NBEAL1: variants seen among roughly 807,000 people sequenced by gnomAD.
NBEAL1 encodes neurobeachin like 1, also known as neurobeachin-like protein 1.
In NBEAL1, 273 loss-of-function variants were observed where a neutral mutation model predicts 351.3. The observed-to-expected ratio is 0.78, with a 90% CI of 0.70 to 0.86. The LOEUF (loss-of-function observed/expected upper bound fraction) is 0.86, where lower values mean the gene tolerates loss of function less well. Ranked by LOEUF, NBEAL1 falls within the 40% of genes least tolerant of loss-of-function variation. The pLI is 0.00. For synonymous variants in NBEAL1, 1,050 were observed against 1,086.4 expected, an observed-to-expected ratio of 0.97 and a Z score of 0.66; for missense variants, 2,961 against 3,201.3, an observed-to-expected ratio of 0.92 and a Z score of 1.81.
At chr2:203,164,685 G>A (rs1461264976) in intron 36 of NBEAL1, among the ~76,000 whole-genome samples, 1 of 151,904 alleles carries the variant, frequency 6.6e-6, no homozygotes, top group East Asian at 1.9e-4. Context: ...TTGCAACATT[G>A]CAAGCTTAAA....
intron 44 of NBEAL1, among the ~76,000 whole-genome samples, chr2:203,187,373 T>TTTG (rs1162848345): frequency 2.0e-5 from 3 of 149,906 alleles, no homozygotes; most frequent in Non-Finnish European, 4.4e-5. Flanking sequence ...AATGGTTTTT[T>TTTG]TTTTTTTTTT....
chr2:203,151,876 TC>T (rs1269395294), intron 35 of NBEAL1, among the ~76,000 whole-genome samples: 3 of 152,196 alleles, frequency 2.0e-5, no homozygotes, highest in Non-Finnish European at 4.4e-5. Flanking sequence ...GAAACAATGT[TC>T]TTTTCTCTTA....
intron 31 of NBEAL1, among the ~76,000 whole-genome samples, chr2:203,141,998 C>T (rs1044752968): frequency 2.0e-5 from 3 of 152,144 alleles, no homozygotes; most frequent in East Asian, 1.9e-4. Context: ...ATAGTGTCTC[C>T]GGTTAGCCTG....
At chr2:203,057,298 T>A in intron 5 of NBEAL1, 28 bp from the exon 6 acceptor site, 1 of 1,532,782 alleles carries the variant, frequency 6.5e-7, no homozygotes, top group Non-Finnish European at 8.8e-7. Flanking sequence ...AAGGCATGTC[T>A]TTAATTTATG....
chr2:203,042,830 C>T (rs995804456), intron 3 of NBEAL1, among the ~76,000 whole-genome samples: 16 of 152,124 alleles, frequency 1.1e-4, no homozygotes, highest in African/African-American at 3.9e-4. Context: ...TCATGATCCA[C>T]CTGCCTCGGA....
Position 203,167,364 on chromosome 2 carries a change from T to G in NBEAL1, c.5997+4T>G. The G allele has an allele frequency of 6.3e-7, 1 of 1,594,322 alleles. No individual in the cohort carries two copies. Among genetic ancestry groups the G allele is most frequent in the Non-Finnish European group, 8.5e-7 (1 of 1,172,388 alleles). ...CTTTCTCAATTTCAAAAAAGAGGTA[T>G]GTATTATGGTTTCAGGAAATCCCAA... On this transcript the variant is annotated splice_donor_region_variant and intron_variant, in intron 38 of 55. Coordinates refer to ENST00000683969, the MANE Select transcript of NBEAL1 (RefSeq NM_001378026.1).
Position 203,138,745 on chromosome 2 carries a change from G to T in NBEAL1, c.4845G>T (p.Leu1615Phe), listed in dbSNP as rs1227880078. ...LLLGFIGRGN[L>F]QVCAMASAKL... ...TAGGATTCATTGGAAGGGGTAATTTGCAGGTTTGTCCATTCTTTTATATTA... is the reference window on the plus strand; with the variant it reads ...TAGGATTCATTGGAAGGGGTAATTTTCAGGTTTGTCCATTCTTTTATATTA... The change falls in exon 31 of 56, where the codon TTG becomes TTT. Residue 1615 changes from leucine (L) to phenylalanine (F), a missense_variant. By Grantham distance (22) the Leu-to-Phe change is conservative. Coordinates refer to ENST00000683969, the MANE Select transcript of NBEAL1 (RefSeq NM_001378026.1). 6.2e-7 allele frequency: 1 copy of T among 1,610,172 alleles called. No individual in the cohort carries two copies. Among genetic ancestry groups the T allele is most frequent in the Non-Finnish European group, 8.5e-7 (1 of 1,178,922 alleles).
intron 10 of NBEAL1, among the ~76,000 whole-genome samples, chr2:203,089,306 C>T (rs964773003): frequency 1.3e-5 from 2 of 151,556 alleles, no homozygotes; most frequent in African/African-American, 4.9e-5. Context: ...TTGCAGTGAG[C>T]CGAGATCACC....
chr2:203,214,033 T>C (rs1346486322), intron 55 of NBEAL1, among the ~76,000 whole-genome samples: 1 of 152,244 alleles, frequency 6.6e-6, no homozygotes, highest in Non-Finnish European at 1.5e-5. Context: ...TGTCAGTTGT[T>C]CTTTTGTAAA....
chr2:203,077,150 G>T (rs752608609), intron 7 of NBEAL1, among the ~76,000 whole-genome samples: 3 of 152,062 alleles, frequency 2.0e-5, no homozygotes, highest in Non-Finnish European at 2.9e-5. Flanking sequence ...GGTGGCTCAT[G>T]CCTGTAATCT....
chr2:203,184,356 AG>A (rs1486849601), intron 44 of NBEAL1, among the ~76,000 whole-genome samples: 1 of 152,186 alleles, frequency 6.6e-6, no homozygotes, highest in Non-Finnish European at 1.5e-5. Context: ...TCTTGAACCC[AG>A]GAGGCGGAGG....
intron 18 of NBEAL1, among the ~76,000 whole-genome samples, chr2:203,116,487 A>C (rs571734458): frequency 2.0e-5 from 3 of 152,260 alleles, no homozygotes; most frequent in Admixed American, 1.3e-4. Flanking sequence ...AAAAGGAGAA[A>C]AAGGCCAGAA....
intron 38 of NBEAL1, among the ~76,000 whole-genome samples, chr2:203,169,258 T>C (rs2064240593): frequency 6.6e-6 from 1 of 152,006 alleles, no homozygotes; most frequent in African/African-American, 2.4e-5. Context: ...ATTAGATTAA[T>C]AATTGTCAGG....
intron 1 of NBEAL1, among the ~76,000 whole-genome samples, chr2:203,015,543 C>T (rs894397180): frequency 2.6e-5 from 4 of 152,134 alleles, no homozygotes; most frequent in African/African-American, 9.7e-5. Context: ...TCACTGCAGC[C>T]TCTGCCTCCC....
intron 2 of NBEAL1, among the ~76,000 whole-genome samples, chr2:203,030,054 AG>A (rs1021884486): frequency 6.6e-5 from 10 of 152,214 alleles, no homozygotes; most frequent in African/African-American, 2.4e-4. Flanking sequence ...AAGGTTTTAA[AG>A]GATCTATAGT....
chr2:203,097,383 T>C (rs757257319), intron 10 of NBEAL1, among the ~76,000 whole-genome samples, 164 bp from the exon 11 acceptor site: 1 of 152,182 alleles, frequency 6.6e-6, no homozygotes, highest in Admixed American at 6.5e-5. Flanking sequence ...TAGTTCATAA[T>C]CCAAAAAGTG....
At chr2:203,027,756 T>C (rs1574863290) in intron 2 of NBEAL1, among the ~76,000 whole-genome samples, 1 of 152,194 alleles carries the variant, frequency 6.6e-6, no homozygotes, top group East Asian at 1.9e-4. Context: ...TCACCCAGGC[T>C]GGAGTACAGT....
chr2:203,114,751 TTTTG>T (rs1052295162), intron 17 of NBEAL1, among the ~76,000 whole-genome samples: 3 of 152,092 alleles, frequency 2.0e-5, no homozygotes, highest in African/African-American at 4.8e-5. Context: ...CTTTGTTTTT[TTTTG>T]TTTGTTTGTT....
rs953226399 is a variant in NBEAL1 at position 203,188,639 on chromosome 2, G to T, written c.6823+50G>T. The T allele has an allele frequency of 4.4e-5, 46 of 1,047,596 alleles. No homozygotes were observed. In the East Asian group the frequency reaches 1.1e-3, roughly 25 times the overall value. 64.9% of individuals were successfully genotyped at this position (1,047,596 alleles called of 1,614,324 possible). ...TTGCTTTACCTTGATAGAAACTGTT[G>T]TTTAATATATGTTTACAGTTATTTG... On this transcript the variant is annotated intron_variant, in intron 45 of 55. Coordinates refer to ENST00000683969, the MANE Select transcript of NBEAL1 (RefSeq NM_001378026.1).
Sources: allele counts gnomAD v4.1 joint callset (sites outside exome capture counted in the v4.1 genomes callset), GRCh38; gene constraint gnomAD v4.1.1; transcripts MANE v1.5; gene names NCBI Gene and HGNC (gene_info 2026-07-23, HGNC 2026-07-21).